PHLDB2: variants seen among roughly 807,000 people sequenced by gnomAD.
PHLDB2 encodes the protein pleckstrin homology-like domain family B member 2.
PHLDB2 carries 71 observed loss-of-function variants against 123.6 expected under a neutral mutation model. The observed-to-expected ratio is 0.57, with a 90% CI of 0.47 to 0.70. PHLDB2 has a LOEUF of 0.70. Among genes scored for constraint, PHLDB2 ranks in the 30% least tolerant of loss-of-function variants. The pLI is 0.00. For synonymous variants in PHLDB2, 547 were observed against 541.6 expected (o/e 1.01, Z -0.14); for missense variants, 1,446 against 1,519.5 (o/e 0.95, Z 0.80).
In PHLDB2 at chr3:111,848,192, G is replaced by A. The variant is rs116304477; in HGVS notation, c.67+2257G>A. Among the ~76,000 whole-genome samples, 816 of 152,204 alleles carry A rather than the reference G, an allele frequency of 5.4e-3. 4 individuals are homozygous for A. Among genetic ancestry groups the A allele is most frequent in the Non-Finnish European group, 8.5e-3 (579 of 68,024 alleles). On this transcript the variant is annotated intron_variant, in intron 2 of 17. Coordinates refer to the PHLDB2 transcript ENST00000393923. ...GACTGATATTTCCAGTAGGATCAAA[G>A]CATTCAACAAAGTAATTGAGAATCT...
rs1204650725 is a variant in PHLDB2 at position 111,869,933 on chromosome 3, C to T, written c.-15+10357C>T. 2.0e-5 allele frequency among the ~76,000 whole-genome samples: 3 copies of T among 152,210 alleles called. No individual in the cohort carries two copies. In the East Asian group the frequency reaches 5.8e-4, roughly 29 times the overall value. On this transcript the variant is annotated intron_variant, in intron 1 of 17. Transcript: ENST00000431670. ...GTGGGTAATAATTATTTTGTTCAAA[C>T]AGGCAGGTCTTTGAGTGACAAAGAA...
At chr3:111,825,592 C>A (rs1280960326) in intron 1 of PHLDB2, among the ~76,000 whole-genome samples, 2 of 152,272 alleles carry the variant, frequency 1.3e-5, no homozygotes, top group East Asian at 1.9e-4. Context: ...GGATTACAGG[C>A]GTGCACCACC....
At chr3:111,928,752 A>C (rs1434737953) in intron 5 of PHLDB2, among the ~76,000 whole-genome samples, 2 of 152,212 alleles carry the variant, frequency 1.3e-5, no homozygotes, top group African/African-American at 4.8e-5. Context: ...AAATATACAA[A>C]ATAGGTCAAA....
rs2065466541 is a variant in PHLDB2 at position 111,873,907 on chromosome 3, G to T, written c.-14-10157G>T. Among the ~76,000 whole-genome samples the T allele has an allele frequency of 2.0e-5, 3 of 152,252 alleles. No individual in the cohort carries two copies. In the South Asian group the frequency reaches 6.2e-4, roughly 32 times the overall value. ...TTACATGGTGGTGGAGACAGAAAAA[G>T]ATTTAGAGAACTATAAGCGAGAAAT... On this transcript the variant is annotated intron_variant, in intron 1 of 17. Transcript: ENST00000431670.
intron 2 of PHLDB2, among the ~76,000 whole-genome samples, chr3:111,851,899 C>T (rs2064270609): frequency 6.6e-6 from 1 of 151,966 alleles, no homozygotes; most frequent in South Asian, 2.1e-4. Flanking sequence ...TCTGCCTTGG[C>T]TTTACTGTCC....
At chr3:111,746,277 A>G (rs1041221960) in intron 1 of PHLDB2, among the ~76,000 whole-genome samples, 1 of 152,174 alleles carries the variant, frequency 6.6e-6, no homozygotes, top group African/African-American at 2.4e-5. Flanking sequence ...AAAGTCTTTT[A>G]TTTCCCTGAC....
chr3:111,973,869 G>T, intron 17 of PHLDB2, 52 bp downstream of exon 17: 1 of 1,135,952 alleles, frequency 8.8e-7, no homozygotes, highest in Non-Finnish European at 1.3e-6. Flanking sequence ...ATTAAGAAGG[G>T]AAAAATATTT....
intron 6 of PHLDB2, among the ~76,000 whole-genome samples, chr3:111,939,220 T>C (rs200949948): frequency 0.093 from 20 of 214 alleles, no homozygotes; most frequent in African/African-American, 0.17. Context: ...AGCCACCCAG[T>C]GTGGGTTTAA....
intron 5 of PHLDB2, among the ~76,000 whole-genome samples, chr3:111,925,710 C>G (rs2068775174): frequency 6.6e-6 from 1 of 152,222 alleles, no homozygotes; most frequent in South Asian, 2.1e-4. Context: ...GACTGTGGAA[C>G]TGGCTTCCTT....
At chr3:111,768,322 A>C (rs1559820983) in intron 1 of PHLDB2, among the ~76,000 whole-genome samples, 2 of 152,326 alleles carry the variant, frequency 1.3e-5, no homozygotes, top group East Asian at 3.9e-4. Flanking sequence ...CCTGGATTTG[A>C]TGGTGGGGTT....
chr3:111,881,371 G>A (rs888632109), intron 1 of PHLDB2, among the ~76,000 whole-genome samples: 4 of 152,102 alleles, frequency 2.6e-5, no homozygotes, highest in African/African-American at 9.7e-5. Flanking sequence ...GTTATTCAGG[G>A]TTTATAGTAT....
chr3:111,846,882 C>T (rs912906093), intron 2 of PHLDB2, among the ~76,000 whole-genome samples: 10 of 152,082 alleles, frequency 6.6e-5, no homozygotes, highest in African/African-American at 1.9e-4. Context: ...TGCAATATGA[C>T]GATGTGAAAT....
At chr3:111,771,289 G>A (rs1005669526) in intron 1 of PHLDB2, among the ~76,000 whole-genome samples, 1 of 152,106 alleles carries the variant, frequency 6.6e-6, no homozygotes, top group Non-Finnish European at 1.5e-5. Context: ...GCTTCTGGTG[G>A]TTTTCTGTTA....
At chr3:111,824,460 A>C (rs562059347) in intron 1 of PHLDB2, among the ~76,000 whole-genome samples, 1 of 152,190 alleles carries the variant, frequency 6.6e-6, no homozygotes. Context: ...CCAAAGAGTT[A>C]TCTAATAACT....
intron 1 of PHLDB2, among the ~76,000 whole-genome samples, chr3:111,740,040 T>C (rs1370236000): frequency 6.6e-6 from 1 of 152,136 alleles, no homozygotes; most frequent in African/African-American, 2.4e-5. Flanking sequence ...TTGCTCACTA[T>C]GATACTGTAT....
At chr3:111,933,561 T>A (rs369326174) in intron 6 of PHLDB2, among the ~76,000 whole-genome samples, 1 of 152,206 alleles carries the variant, frequency 6.6e-6, no homozygotes, top group East Asian at 1.9e-4. Context: ...TTTCTTACAA[T>A]GTTGGAGCAA....
At position 111,976,178 on chromosome 3, in the gene PHLDB2, T is replaced by C. The variant is rs185715990; in HGVS notation, c.*1615T>C. 1.3e-5 allele frequency: 2 copies of C among 152,630 alleles called. No homozygotes were observed. The highest frequency in any genetic ancestry group is 3.9e-4 in the East Asian group (2 of 5,186). The allele number at this position is 152,630 out of a possible 1,614,324, so 9.5% of individuals were successfully genotyped here. ...GGATTGTAAAGGTGTTCTAATCCAA[T>C]TGCATGATGTAGTAAGCCTCTTAAA... On this transcript the variant is annotated 3_prime_UTR_variant, in exon 18 of 18. Coordinates refer to ENST00000431670, the MANE Select transcript of PHLDB2 (RefSeq NM_001134438.2).
chr3:111,867,352 G>C (rs1317464503), intron 1 of PHLDB2, among the ~76,000 whole-genome samples: 1 of 151,988 alleles, frequency 6.6e-6, no homozygotes, highest in Non-Finnish European at 1.5e-5. Flanking sequence ...AATGCACGTA[G>C]CTTTTTTAAA....
intron 1 of PHLDB2, among the ~76,000 whole-genome samples, chr3:111,883,040 A>T (rs1294455260): frequency 2.6e-5 from 4 of 152,164 alleles, no homozygotes; most frequent in African/African-American, 9.7e-5. Context: ...TGATGTGCCT[A>T]AGGGTTGGAG....
Sources: allele counts gnomAD v4.1 joint callset (sites outside exome capture counted in the v4.1 genomes callset), GRCh38; gene constraint gnomAD v4.1.1; transcripts MANE v1.5; gene names NCBI Gene and HGNC (gene_info 2026-07-23, HGNC 2026-07-21).